DOCK10: variants seen among roughly 807,000 people sequenced by gnomAD.
DOCK10 encodes dedicator of cytokinesis protein 10.
In DOCK10, 145 loss-of-function variants were observed where a neutral mutation model predicts 280.1. The ratio of observed to expected loss-of-function variants is 0.52; its 90% CI spans 0.45 to 0.59. The LOEUF (loss-of-function observed/expected upper bound fraction) is 0.59, where lower values mean the gene tolerates loss of function less well. Ranked by LOEUF, DOCK10 falls within the 20% of genes least tolerant of loss-of-function variation. DOCK10 has a pLI of 0.00. For synonymous variants in DOCK10, 915 were observed against 942.2 expected, an observed-to-expected ratio of 0.97 and a Z score of 0.53; for missense variants, 2,368 against 2,651.7, an observed-to-expected ratio of 0.89 and a Z score of 2.35.
At chr2:225,018,222 C>T (rs377248216) in intron 1 of DOCK10, among the ~76,000 whole-genome samples, 3 of 152,044 alleles carry the variant, frequency 2.0e-5, no homozygotes, top group Non-Finnish European at 4.4e-5. Context: ...GTATTCTACT[C>T]TGTGTATTGT....
chr2:224,847,136 T>C (rs1381565920), intron 19 of DOCK10, among the ~76,000 whole-genome samples: 1 of 152,156 alleles, frequency 6.6e-6, no homozygotes, highest in East Asian at 1.9e-4. Flanking sequence ...AGGTAAACAA[T>C]ATACTGAATG....
rs367593252 is a variant in DOCK10, at chr2:224,964,452, C to T, written c.124-32784G>A. 7.6e-4 allele frequency among the ~76,000 whole-genome samples: 116 copies of T among 151,972 alleles called. 2 individuals are homozygous for T. The South Asian group carries it at 0.017, about 23-fold the overall frequency. On this transcript the variant is annotated intron_variant, in intron 1 of 55. Coordinates refer to ENST00000258390, the MANE Select transcript of DOCK10 (RefSeq NM_014689.3). The stretch of plus-strand genomic sequence containing the variant: ...AATGATTTTTCTACAGCTTTAAGTC[C>T]TGGCCTTTAAGTATGTGTTCTTTCT...
rs576591187 is a variant in DOCK10 at position 224,954,669 on chromosome 2, A to G, written c.124-23001T>C. On this transcript the variant is annotated intron_variant, in intron 1 of 55. Transcript: ENST00000258390. ...AATAATGACAATGACAACAACAAAA[A>G]TACCACAGCTAGCTCATAGCATTTC... Among the ~76,000 whole-genome samples the G allele has an allele frequency of 1.3e-4, 20 of 152,310 alleles. 1 individual carries two copies. In the South Asian group the frequency reaches 4.1e-3, roughly 32 times the overall value.
At chr2:224,806,272 C>T (rs1693386397) in intron 33 of DOCK10, 35 bp from the exon 34 acceptor site, 1 of 1,260,000 alleles carries the variant, frequency 7.9e-7, no homozygotes, top group Non-Finnish European at 1.1e-6. Flanking sequence ...TAATGGGAAT[C>T]ATGGCATTTC....
At chr2:225,026,226 A>G (rs559924191) in intron 1 of DOCK10, among the ~76,000 whole-genome samples, 2 of 152,356 alleles carry the variant, frequency 1.3e-5, no homozygotes, top group African/African-American at 4.8e-5. Flanking sequence ...AGATGCCAGA[A>G]AGGTAGGCTG....
intron 26 of DOCK10, among the ~76,000 whole-genome samples, chr2:224,832,099 C>T (rs1695278772): frequency 1.3e-5 from 2 of 152,146 alleles, no homozygotes; most frequent in African/African-American, 2.4e-5. Flanking sequence ...TTCAAGAACG[C>T]ACCCCTTGCA....
chr2:224,928,168 T>A (rs528472968), intron 2 of DOCK10, among the ~76,000 whole-genome samples: 7 of 152,288 alleles, frequency 4.6e-5, no homozygotes, highest in Admixed American at 3.3e-4. Flanking sequence ...CATCAGAGAT[T>A]TACAGACACG....
intron 2 of DOCK10, among the ~76,000 whole-genome samples, chr2:224,928,100 T>G (rs184425302): frequency 6.6e-6 from 1 of 152,200 alleles, no homozygotes; most frequent in African/African-American, 2.4e-5. Flanking sequence ...GCATGGACAC[T>G]TCCTGTTGGT....
rs1465495801 is a variant in DOCK10 at position 224,786,164 on chromosome 2, T to C, written c.5655+858A>G. Among the ~76,000 whole-genome samples, 1 of 152,140 alleles carries C rather than the reference T, an allele frequency of 6.6e-6. No homozygotes were observed. Among genetic ancestry groups the C allele is most frequent in the African/African-American group, 2.4e-5 (1 of 41,438 alleles). On this transcript the variant is annotated intron_variant, in intron 50 of 55. Coordinates refer to ENST00000258390, the MANE Select transcript of DOCK10 (RefSeq NM_014689.3). This position sits in a 1 kb window ranked among gnomAD's most constrained non-coding sequence, Gnocchi z 4.7. ...TTGCAGTGAGCCGAGATCACGCCAC[T>C]GCACTGCACTCCAGCCTGGGCTACT...
chr2:224,994,584 T>C (rs548584416), intron 1 of DOCK10, among the ~76,000 whole-genome samples: 6 of 152,212 alleles, frequency 3.9e-5, no homozygotes, highest in Non-Finnish European at 7.3e-5. Context: ...GCAGCTTCTA[T>C]CTTAGTATGG....
intron 26 of DOCK10, among the ~76,000 whole-genome samples, chr2:224,833,653 G>GTC (rs1461071913): frequency 7.4e-6 from 1 of 135,182 alleles, no homozygotes; most frequent in Non-Finnish European, 1.6e-5. Context: ...ATCTATCTAT[G>GTC]TATCTCTCTC....
At chr2:224,840,554 A>T (rs1312245192) in intron 23 of DOCK10, among the ~76,000 whole-genome samples, 1 of 152,208 alleles carries the variant, frequency 6.6e-6, no homozygotes, top group Non-Finnish European at 1.5e-5. Flanking sequence ...TTAAAACCAC[A>T]GTGGGACATC....
At chr2:224,767,114 A>G (rs1223755974) in intron 55 of DOCK10, among the ~76,000 whole-genome samples, 1 of 152,202 alleles carries the variant, frequency 6.6e-6, no homozygotes, top group African/African-American at 2.4e-5. Context: ...CCATTCCTGA[A>G]TGTAGGCTGG....
Position 224,806,116 on chromosome 2 carries a change from T to C in DOCK10, c.3814+10A>G. On this transcript the variant is annotated intron_variant, in intron 34 of 55. Transcript: ENST00000258390. The stretch of plus-strand genomic sequence containing the variant: ...GTTAAAAATAAGTGTTCTCAGAAGA[T>C]CTCAAGTACCTGCTATGGAATTTAA... The C allele has an allele frequency of 6.6e-7, 1 of 1,517,818 alleles. No individual in the cohort carries two copies. The highest frequency in any genetic ancestry group is 9.1e-7 in the Non-Finnish European group (1 of 1,098,830). The allele number at this position is 1,517,818 out of a possible 1,614,324, so 94.0% of individuals were successfully genotyped here. A position where few individuals can be genotyped will look rare whatever the true frequency, so the allele number is the denominator to read the frequency against.
rs1706375846 is a variant in DOCK10, at chr2:224,999,716, T to TTG, written c.123+42535_123+42536insCA. Among the ~76,000 whole-genome samples, 4 of 151,740 alleles carry TTG rather than the reference T, an allele frequency of 2.6e-5. 1 individual carries two copies. In the South Asian group the frequency reaches 8.4e-4, roughly 32 times the overall value. ...ATCCATAAACACTATAATGGTGTTT[T>TTG]TTTTTTTTTTGGTAGATTCTTTAGT... is the stretch of plus-strand genomic sequence containing the variant. On this transcript the variant is annotated intron_variant, in intron 1 of 55. Coordinates refer to ENST00000258390, the MANE Select transcript of DOCK10 (RefSeq NM_014689.3).
chr2:224,886,749 G>A (rs1378485883), intron 4 of DOCK10, among the ~76,000 whole-genome samples: 1 of 151,952 alleles, frequency 6.6e-6, no homozygotes, highest in Non-Finnish European at 1.5e-5. Flanking sequence ...TTAAACCATG[G>A]AGTTACTAAT....
chr2:224,812,668 C>G (rs1397271568), intron 31 of DOCK10, among the ~76,000 whole-genome samples: 1 of 152,100 alleles, frequency 6.6e-6, no homozygotes, highest in Non-Finnish European at 1.5e-5. Flanking sequence ...CCCATCAATA[C>G]CTAATTTATT....
chr2:224,972,932 T>C (rs1438491503), intron 1 of DOCK10, among the ~76,000 whole-genome samples: 2 of 152,240 alleles, frequency 1.3e-5, no homozygotes, highest in Non-Finnish European at 2.9e-5. Flanking sequence ...GAATAATCTA[T>C]TTGTGTGAAT....
rs61496329 is a variant in DOCK10 at position 224,867,075 on chromosome 2, T to TACACACAC, written c.1258-1996_1258-1989dup. On this transcript the variant is annotated intron_variant, in intron 11 of 55. Coordinates refer to ENST00000258390, the MANE Select transcript of DOCK10 (RefSeq NM_014689.3). Reference sequence around the variant, plus strand: ...CCTCCGATCATACAGAGCTAAGAAATACACACACACACACACACACACACA... The same window carrying TACACACAC: ...CCTCCGATCATACAGAGCTAAGAAATACACACACACACACACACACACACACACACACA... Among the ~76,000 whole-genome samples the TACACACAC allele has an allele frequency of 7.5e-3, 1,088 of 144,344 alleles. 3 individuals are homozygous for TACACACAC. The highest frequency in any genetic ancestry group is 0.011 in the African/African-American group (429 of 38,828). 94.7% of individuals were successfully genotyped at this position (144,344 alleles called of 152,430 possible). A position where few individuals can be genotyped will look rare whatever the true frequency, so the allele number is the denominator to read the frequency against.
Sources: gnomAD v4.1 joint callset for allele counts (sites outside exome capture counted in the v4.1 genomes callset) on GRCh38, gnomAD v4.1.1 for gene constraint, Gnocchi (gnomAD v3.1) non-coding constraint, MANE v1.5 for transcripts, NCBI Gene and HGNC (gene_info 2026-07-23, HGNC 2026-07-21) for gene names.